Variants in ARHGAP10 observed in about 807,000 individuals in gnomAD.
The protein encoded by ARHGAP10 is Rho GTPase activating protein 10.
In ARHGAP10, 87 loss-of-function variants were observed where a neutral mutation model predicts 108.6. The ratio of observed to expected loss-of-function variants is 0.80; its 90% CI spans 0.67 to 0.96. The LOEUF (loss-of-function observed/expected upper bound fraction) is 0.96. Ranked by LOEUF, ARHGAP10 falls within the 40% of genes least tolerant of loss-of-function variation. The pLI, the probability that ARHGAP10 is intolerant of heterozygous loss-of-function variation, is 0.00. For missense variants in ARHGAP10, 939 were observed against 954.5 expected, an observed-to-expected ratio of 0.98 and a Z score of 0.21; for synonymous variants, 347 against 341.1, an observed-to-expected ratio of 1.02 and a Z score of -0.19.
chr4:147,783,517 G>T (rs2654957), intron 1 of ARHGAP10, among the ~76,000 whole-genome samples: 3 of 146,592 alleles, frequency 2.0e-5, no homozygotes, highest in Non-Finnish European at 1.5e-5. Flanking sequence ...ATAATTTATA[G>T]AACACACATT....
intron 17 of ARHGAP10, 124 bp from the exon 18 acceptor site, chr4:147,966,556 A>G (rs1038791939): frequency 1.2e-6 from 1 of 809,012 alleles, no homozygotes; most frequent in Non-Finnish European, 1.9e-6. Flanking sequence ...TCAGAGGTAG[A>G]TGTTGAGGGT....
At chr4:147,929,742 G>A (rs1011213684) in intron 13 of ARHGAP10, among the ~76,000 whole-genome samples, 8 of 151,986 alleles carry the variant, frequency 5.3e-5, no homozygotes, top group South Asian at 2.1e-4. Flanking sequence ...TGAAGAGTGC[G>A]TTTTTCCTTC....
At chr4:147,825,583 A>C (rs974966557) in intron 3 of ARHGAP10, among the ~76,000 whole-genome samples, 1 of 152,118 alleles carries the variant, frequency 6.6e-6, no homozygotes, top group Non-Finnish European at 1.5e-5. Context: ...TGGTCCCATG[A>C]GGTTTTTCTG....
At chr4:147,744,384 G>A (rs921221530) in intron 1 of ARHGAP10, among the ~76,000 whole-genome samples, 2 of 152,068 alleles carry the variant, frequency 1.3e-5, no homozygotes, top group Non-Finnish European at 2.9e-5. Context: ...CTGTCGAGGG[G>A]GTGGGGGAGG....
chr4:147,936,599 G>A (rs2126957088), intron 13 of ARHGAP10, among the ~76,000 whole-genome samples: 1 of 152,128 alleles, frequency 6.6e-6, no homozygotes, highest in East Asian at 1.9e-4. Flanking sequence ...AAAGTGCTGG[G>A]ATTACAGGCG....
At chr4:148,025,763 A>G (rs1297393680) in intron 19 of ARHGAP10, among the ~76,000 whole-genome samples, 2 of 152,176 alleles carry the variant, frequency 1.3e-5, no homozygotes, top group African/African-American at 4.8e-5. Context: ...AGCTTGAATC[A>G]TATAATTGTC....
At chr4:148,064,300 G>A (rs1331546292) in intron 21 of ARHGAP10, 116 bp from the exon 22 acceptor site, 7 of 707,822 alleles carry the variant, frequency 9.9e-6, no homozygotes, top group Non-Finnish European at 1.7e-5. Flanking sequence ...TCTCTTTTGG[G>A]AGGAGTTGCC....
chr4:148,070,767 G>T (rs917347855), intron 22 of ARHGAP10, among the ~76,000 whole-genome samples: 1 of 152,114 alleles, frequency 6.6e-6, no homozygotes, highest in Non-Finnish European at 1.5e-5. Context: ...GCCACCTTTC[G>T]AGTTGGTCCG....
At chr4:147,770,531 A>G (rs1730034688) in intron 1 of ARHGAP10, among the ~76,000 whole-genome samples, 1 of 152,188 alleles carries the variant, frequency 6.6e-6, no homozygotes, top group Non-Finnish European at 1.5e-5. Flanking sequence ...TCTCAAAGAA[A>G]TGGTAGCCTG....
At chr4:147,811,570 A>C (rs1732018884) in intron 1 of ARHGAP10, among the ~76,000 whole-genome samples, 1 of 143,190 alleles carries the variant, frequency 7.0e-6, no homozygotes. Context: ...AAATACTGAC[A>C]AATATGCAAT....
intron 8 of ARHGAP10, among the ~76,000 whole-genome samples, chr4:147,877,817 T>C (rs1237969436): frequency 2.0e-5 from 3 of 147,028 alleles, no homozygotes; most frequent in African/African-American, 5.3e-5. Flanking sequence ...TTATTCTTCA[T>C]ACTTTTTTTT....
rs1738749829 is a variant in ARHGAP10, at chr4:147,955,359, T to G, written c.1435T>G (p.Phe479Val). The part of the protein sequence containing the change: ...PLMTYELHGD[F>V]IVPAKSGSPE... ...CATGACCTATGAGTTACATGGAGAT[T>G]TCATTGTTCCAGCCAGTAAGTATTA... is the stretch of plus-strand genomic sequence containing the variant. The change falls in exon 16 of 23, where the codon TTC becomes GTC. Residue 479 changes from phenylalanine to valine, a missense_variant. Transcript: ENST00000336498. 1 of 1,611,674 alleles carries G rather than the reference T, an allele frequency of 6.2e-7. No individual in the cohort carries two copies. The highest frequency in any genetic ancestry group is 1.1e-5 in the South Asian group (1 of 90,888).
At chr4:147,793,224 ATG>A (rs1324649431) in intron 1 of ARHGAP10, among the ~76,000 whole-genome samples, 3 of 151,772 alleles carry the variant, frequency 2.0e-5, no homozygotes, top group Non-Finnish European at 2.9e-5. Context: ...ATATGTATAT[ATG>A]TGTGTGTGTA....
intron 19 of ARHGAP10, among the ~76,000 whole-genome samples, chr4:148,032,070 T>G (rs1175781176): frequency 1.3e-5 from 2 of 152,192 alleles, no homozygotes; most frequent in African/African-American, 2.4e-5. Flanking sequence ...GATTTTGCTG[T>G]TGCTTTTCTG....
At chr4:147,957,245 A>C (rs184462400) in intron 16 of ARHGAP10, among the ~76,000 whole-genome samples, 1 of 152,290 alleles carries the variant, frequency 6.6e-6, no homozygotes, top group East Asian at 1.9e-4. Flanking sequence ...AATGAGAAAA[A>C]GTACATGTAC....
At chr4:147,945,939 A>T (rs1738360785) in intron 14 of ARHGAP10, among the ~76,000 whole-genome samples, 1 of 152,100 alleles carries the variant, frequency 6.6e-6, no homozygotes. Flanking sequence ...ACCACACATG[A>T]ATTGAAGAGG....
Position 147,854,890 on chromosome 4 carries a change from A to G in ARHGAP10, c.385-2663A>G, listed in dbSNP as rs1734026250. The stretch of plus-strand genomic sequence containing the variant: ...TGTTTCTTGGCTAAATTCTTTCTTC[A>G]TAAAGGCTTGATGTCTCCTTTTTCT... On this transcript the variant is annotated intron_variant, in intron 4 of 22. Transcript: ENST00000336498. 4 of 984,114 alleles carry G rather than the reference A, an allele frequency of 4.1e-6. No individual in the cohort carries two copies. The South Asian group carries it at 1.4e-4, about 35-fold the overall frequency. 61.0% of individuals were successfully genotyped at this position (984,114 alleles called of 1,614,324 possible).
intron 12 of ARHGAP10, among the ~76,000 whole-genome samples, chr4:147,911,626 T>G (rs918886146): frequency 8.8e-5 from 8 of 91,236 alleles, no homozygotes; most frequent in African/African-American, 3.2e-4. Flanking sequence ...CCTCCCAAAG[T>G]GCTGGGATTA....
At chr4:147,787,694 A>G (rs1730949601) in intron 1 of ARHGAP10, among the ~76,000 whole-genome samples, 1 of 152,152 alleles carries the variant, frequency 6.6e-6, no homozygotes, top group South Asian at 2.1e-4. Context: ...CCTCACAACC[A>G]ATTCCCCTGT....
Sources: gnomAD v4.1 joint callset for allele counts (sites outside exome capture counted in the v4.1 genomes callset) on GRCh38, gnomAD v4.1.1 for gene constraint, MANE v1.5 for transcripts, NCBI Gene and HGNC (gene_info 2026-07-23, HGNC 2026-07-21) for gene names.